The following NSD1 variants were observed in gnomAD, a reference collection of about 807,000 sequenced individuals.
The protein encoded by NSD1 is histone-lysine N-methyltransferase, H3 lysine-36 specific.
Under a neutral mutation model 242.7 loss-of-function variants are expected in NSD1, and 26 were observed. The observed-to-expected ratio is 0.11, with a 90% CI of 0.08 to 0.15. NSD1 has a LOEUF of 0.15. Ranked by LOEUF, NSD1 falls within the 10% of genes least tolerant of loss-of-function variation. The pLI, the probability that NSD1 is intolerant of heterozygous loss-of-function variation, is 1.00. For synonymous variants in NSD1, 1,106 were observed against 1,178.1 expected, an observed-to-expected ratio of 0.94 and a Z score of 1.25; for missense variants, 2,495 against 3,272.8, an observed-to-expected ratio of 0.76 and a Z score of 5.80.
At chr5:177,133,560 G>A (rs1251549599), upstream of NSD1, 2 of 150,844 alleles carry the variant, frequency 1.3e-5, no homozygotes, top group Non-Finnish European at 3.0e-5. The surrounding 1 kb of genome is among the most constrained non-coding windows in gnomAD (Gnocchi z 6.2). Flanking sequence ...GGGAGGGGAG[G>A]GGGCGGCAGC....
rs779660692 is a variant in NSD1 at position 177,244,268 on chromosome 5, G to T, written c.4376G>T (p.Gly1459Val). ...ACATCTTATTCAAAAGATTTTGGTG[G>T]AGGTGAGTATTTTTGAGATTTAAAA... Reference protein sequence around the residue: ...CATSYSKDFGGGTTKIFDKPR... With the variant: ...CATSYSKDFGVGTTKIFDKPR... The change falls in exon 9 of 23, where the codon GGA becomes GTA. Residue 1459 changes from glycine (G) to valine (V), a missense_variant and splice_region_variant. Transcript: ENST00000439151. 2.5e-6 allele frequency: 4 copies of T among 1,610,552 alleles called. No homozygotes were observed. In the African/African-American group the frequency reaches 5.3e-5, roughly 22 times the overall value.
intron 2 of NSD1, among the ~76,000 whole-genome samples, chr5:177,181,325 G>C (rs1203737031): frequency 6.6e-6 from 1 of 151,594 alleles, no homozygotes; most frequent in Non-Finnish European, 1.5e-5. Context: ...GCTCTACTGT[G>C]CATAAAATAC....
In NSD1 at chr5:177,135,531, C is replaced by CA. The variant is rs1345337658; in HGVS notation, c.431dup (p.Thr145AspfsTer10). ...TCCCCTGAACTCCAGGTAAAAGTAA[C>CA]AAAGACTATCAAGAATGGCTTTCTG... is the stretch of plus-strand genomic sequence containing the variant. On this transcript the variant is annotated frameshift_variant, in exon 2 of 23. Coordinates refer to ENST00000439151, the MANE Select transcript of NSD1 (RefSeq NM_022455.5). LOFTEE classifies it high-confidence loss of function. 1 of 1,614,040 alleles carries CA rather than the reference C, an allele frequency of 6.2e-7. No homozygotes were observed. Among genetic ancestry groups the CA allele is most frequent in the African/African-American group, 1.3e-5 (1 of 74,918 alleles).
intron 2 of NSD1, among the ~76,000 whole-genome samples, chr5:177,185,817 ATAT>A (rs1283775652): frequency 1.1e-5 from 1 of 88,794 alleles, no homozygotes. Context: ...AAATTTATAT[ATAT>A]AATATATAAG....
At chr5:177,183,093 ATT>A (rs1043962913) in intron 2 of NSD1, among the ~76,000 whole-genome samples, 2 of 151,888 alleles carry the variant, frequency 1.3e-5, no homozygotes, top group Non-Finnish European at 2.9e-5. Flanking sequence ...AAGGGGTAAA[ATT>A]TTTTTGTTTG....
At chr5:177,282,318 C>T (rs917137496) in intron 18 of NSD1, 147 bp from the exon 19 acceptor site, 43 of 736,606 alleles carry the variant, frequency 5.8e-5, no homozygotes, top group Middle Eastern at 3.8e-4. Context: ...AGTTGGGGAT[C>T]GTAAAGTAAT....
At chr5:177,253,865 G>A (rs1756204220) in intron 12 of NSD1, among the ~76,000 whole-genome samples, 1 of 152,118 alleles carries the variant, frequency 6.6e-6, no homozygotes, top group Non-Finnish European at 1.5e-5. Context: ...TTGAAGTCCT[G>A]GGATCAAGCA....
intron 16 of NSD1, among the ~76,000 whole-genome samples, chr5:177,272,794 G>T (rs1389529612): frequency 6.6e-6 from 1 of 151,922 alleles, no homozygotes; most frequent in South Asian, 2.1e-4. Context: ...GAGGTGGGAG[G>T]ATCACTTGAG....
chr5:177,294,898 A>G lies in NSD1; in HGVS notation c.7530A>G (p.Ser2510=), dbSNP rs774940250. The change falls in exon 23 of 23, where the codon TCA becomes TCG. Residue 2510 remains serine (S), a synonymous_variant. Transcript: ENST00000439151. ...GAGCTGTTGAGAAAGGCTGTGTGTCAGATCCTCTTCAGACATCTGGGAAAG... is the reference window on the plus strand; with the variant it reads ...GAGCTGTTGAGAAAGGCTGTGTGTCGGATCCTCTTCAGACATCTGGGAAAG... ...MPRAVEKGCV[S]DPLQTSGKAA... 1.2e-5 allele frequency: 19 copies of G among 1,613,994 alleles called. No individual in the cohort carries two copies. Among genetic ancestry groups the G allele is most frequent in the Non-Finnish European group, 1.5e-5 (18 of 1,179,978 alleles).
chr5:177,213,984 T>A, intron 5 of NSD1, among the ~76,000 whole-genome samples: 1 of 152,160 alleles, frequency 6.6e-6, no homozygotes, highest in Non-Finnish European at 1.5e-5. Flanking sequence ...TTTGGTTTTT[T>A]TTTTGAGATA....
At position 177,298,073 on chromosome 5, in the gene NSD1, C is replaced by G. The variant is rs888129724; in HGVS notation, c.*2614C>G. On this transcript the variant is annotated 3_prime_UTR_variant, in exon 23 of 23. Transcript: ENST00000439151. ...AGATGGTTAAAATCATGAAAGCAGT[C>G]ACTATCCAATTAGAAGCAGAGTCAC... 2 of 232,654 alleles carry G rather than the reference C, an allele frequency of 8.6e-6. No individual in the cohort carries two copies. The highest frequency in any genetic ancestry group is 4.4e-5 in the African/African-American group (2 of 45,162). The allele number at this position is 232,654 out of a possible 1,614,324, so 14.4% of individuals were successfully genotyped here. A position where few individuals can be genotyped will look rare whatever the true frequency, so the allele number is the denominator to read the frequency against.
At chr5:177,222,134 A>G (rs2149866034) in intron 5 of NSD1, among the ~76,000 whole-genome samples, 1 of 146,816 alleles carries the variant, frequency 6.8e-6, no homozygotes, top group South Asian at 2.2e-4. Flanking sequence ...ATTTTTTATT[A>G]TTATTACTTT....
chr5:177,145,278 A>G (rs1025643332), intron 2 of NSD1, among the ~76,000 whole-genome samples: 1 of 150,052 alleles, frequency 6.7e-6, no homozygotes, highest in South Asian at 2.1e-4. Flanking sequence ...AACATGTAAC[A>G]AGATTTTTTT....
intron 2 of NSD1, among the ~76,000 whole-genome samples, chr5:177,157,361 C>G (rs556779784): frequency 1.3e-5 from 2 of 151,634 alleles, no homozygotes; most frequent in Non-Finnish European, 2.9e-5. Context: ...AGCGAAACTT[C>G]GTCTCCAAGA....
At chr5:177,206,874 A>C (rs1762907313) in intron 4 of NSD1, among the ~76,000 whole-genome samples, 1 of 151,350 alleles carries the variant, frequency 6.6e-6, no homozygotes, top group South Asian at 2.1e-4. Flanking sequence ...AAAAAAATAC[A>C]CACTACCAGA....
intron 14 of NSD1, chr5:177,266,099 A>T (rs1203751528): frequency 8.9e-7 from 1 of 1,126,022 alleles, no homozygotes; most frequent in Non-Finnish European, 1.4e-6. Flanking sequence ...CGTCACATAC[A>T]GTGTGGCCCG....
chr5:177,258,541 GTT>G (rs571615982), intron 13 of NSD1, among the ~76,000 whole-genome samples: 1 of 143,816 alleles, frequency 7.0e-6, no homozygotes. Flanking sequence ...GTTTGTTGTT[GTT>G]TTTTTTTTTG....
intron 10 of NSD1, 58 bp downstream of exon 10, chr5:177,246,854 A>G (rs1766339745): frequency 8.4e-7 from 1 of 1,189,944 alleles, no homozygotes; most frequent in Non-Finnish European, 1.3e-6. Context: ...TTCACGCCAG[A>G]GGCCACATCC....
At chr5:177,159,748 A>G (rs1758583500) in intron 2 of NSD1, among the ~76,000 whole-genome samples, 1 of 149,706 alleles carries the variant, frequency 6.7e-6, no homozygotes, top group African/African-American at 2.5e-5. Context: ...ATATACCACC[A>G]CGCCTGGCTA....
Sources: allele counts gnomAD v4.1 joint callset (sites outside exome capture counted in the v4.1 genomes callset), GRCh38; gene constraint gnomAD v4.1.1; non-coding constraint Gnocchi (gnomAD v3.1); transcripts MANE v1.5; gene names NCBI Gene and HGNC (gene_info 2026-07-23, HGNC 2026-07-21).